COBL: variants seen among roughly 807,000 people sequenced by gnomAD.
The protein encoded by COBL is protein cordon-bleu.
A neutral mutation model predicts 98.8 loss-of-function variants in COBL; 51 were observed. The ratio of observed to expected loss-of-function variants is 0.52; its 90% confidence interval spans 0.41 to 0.65. COBL has a LOEUF of 0.65. COBL is among the 30% of genes least tolerant of loss of function. The pLI is 0.00. For synonymous variants in COBL, 634 were observed against 651.7 expected (o/e 0.97, Z 0.41); for missense variants, 1,617 against 1,617.5 (o/e 1.00, Z 0.01).
At chr7:51,262,464 A>G (rs927733582) in intron 1 of COBL, among the ~76,000 whole-genome samples, 9 of 152,218 alleles carry the variant, frequency 5.9e-5, no homozygotes, top group African/African-American at 1.9e-4. Context: ...CGAGGTGGCC[A>G]TGGGAAAGGA....
intron 2 of COBL, among the ~76,000 whole-genome samples, chr7:51,200,407 T>C (rs1465802370): frequency 6.6e-6 from 1 of 152,180 alleles, no homozygotes; most frequent in Admixed American, 6.5e-5. Context: ...AGGCAAGTTG[T>C]CAGAATAAAT....
chr7:51,219,933 T>C lies in COBL; in HGVS notation c.53A>G (p.Lys18Arg). The change falls in exon 2 of 13, where the codon AAG (lysine) becomes AGG (arginine). Residue 18 changes from lysine to arginine, a missense_variant. This residue lies in a region of COBL where 238 missense variants were observed against 215.0 expected (regional missense o/e 1.11). Transcript: ENST00000265136. ...TCCAGGAGGTGGGGGAGCACGAGCC[T>C]TCATCTTCCTCCTTAAAAACAACAA... is the stretch of plus-strand genomic sequence containing the variant. ...AAKPPTGRKM[K>R]ARAPPPPGKA... 6.2e-7 allele frequency: 1 copy of C among 1,610,328 alleles called. No individual in the cohort carries two copies. Among genetic ancestry groups the C allele is most frequent in the Non-Finnish European group, 8.5e-7 (1 of 1,179,314 alleles).
Position 51,267,476 on chromosome 7 carries a change from A to AC in COBL, c.42-47533_42-47532insG, listed in dbSNP as rs1302588885. On this transcript the variant is annotated intron_variant, in intron 1 of 12. Transcript: ENST00000265136. Reference sequence around the variant, plus strand: ...CATTTTCATACATTCATTTATTTGTATTTTTATATATATATATATTACTAG... The same window carrying AC: ...CATTTTCATACATTCATTTATTTGTACTTTTTATATATATATATATTACTAG... Among the ~76,000 whole-genome samples the AC allele has an allele frequency of 9.3e-5, 14 of 151,214 alleles. No individual in the cohort carries two copies. The South Asian group carries it at 2.9e-3, about 32-fold the overall frequency.
intron 2 of COBL, among the ~76,000 whole-genome samples, chr7:51,201,620 C>T (rs904808523): frequency 6.6e-6 from 1 of 152,010 alleles, no homozygotes; most frequent in African/African-American, 2.4e-5. Flanking sequence ...CCACATTGAC[C>T]TAATATATAT....
chr7:51,103,588 G>GT (rs932363218), intron 6 of COBL, among the ~76,000 whole-genome samples: 69 of 151,868 alleles, frequency 4.5e-4, no homozygotes, highest in Middle Eastern at 3.4e-3. Context: ...TTATGATTTA[G>GT]TTTTTTTTAC....
rs543885321 is a variant in COBL, at chr7:51,213,457, T to C, written c.245+6284A>G. 2.6e-5 allele frequency among the ~76,000 whole-genome samples: 4 copies of C among 152,228 alleles called. No individual in the cohort carries two copies. In the South Asian group the frequency reaches 8.3e-4, roughly 32 times the overall value. Reference sequence around the variant, plus strand: ...CATCCCGAAGCCATCCCCAGCCTGGTCTGTGGAAAAACTGTCTTCCACAAA... The same window carrying C: ...CATCCCGAAGCCATCCCCAGCCTGGCCTGTGGAAAAACTGTCTTCCACAAA... On this transcript the variant is annotated intron_variant, in intron 2 of 12. Coordinates refer to ENST00000265136, the MANE Select transcript of COBL (RefSeq NM_015198.5).
chr7:51,086,642 GA>G (rs1794283795), intron 6 of COBL, among the ~76,000 whole-genome samples: 3 of 152,058 alleles, frequency 2.0e-5, no homozygotes, highest in African/African-American at 7.2e-5. Flanking sequence ...GAGAGAGAGA[GA>G]GAGAGTGTGT....
chr7:51,183,942 T>A (rs567296481), intron 5 of COBL, among the ~76,000 whole-genome samples, 160 bp downstream of exon 5: 1 of 152,254 alleles, frequency 6.6e-6, no homozygotes, highest in Non-Finnish European at 1.5e-5. Flanking sequence ...AAGCACAGCC[T>A]GTCATTCCAG....
chr7:51,022,421 T>G (rs920311241), intron 12 of COBL, among the ~76,000 whole-genome samples: 1 of 152,216 alleles, frequency 6.6e-6, no homozygotes, highest in Non-Finnish European at 1.5e-5. Flanking sequence ...ACAGCCACGG[T>G]GACCTTTCCT....
intron 5 of COBL, among the ~76,000 whole-genome samples, chr7:51,156,025 A>G (rs1786094339): frequency 6.6e-6 from 1 of 152,234 alleles, no homozygotes; most frequent in Non-Finnish European, 1.5e-5. Flanking sequence ...TAAGCTTCAT[A>G]AACACCTGTA....
intron 6 of COBL, among the ~76,000 whole-genome samples, chr7:51,122,832 A>G (rs1311676016): frequency 6.6e-6 from 1 of 152,144 alleles, no homozygotes; most frequent in Non-Finnish European, 1.5e-5. Context: ...CACAAAAATT[A>G]GCAGGGCATG....
intron 1 of COBL, among the ~76,000 whole-genome samples, chr7:51,308,407 GA>G (rs2129213738): frequency 6.6e-6 from 1 of 152,104 alleles, no homozygotes; most frequent in Non-Finnish European, 1.5e-5. Context: ...CTCTCACACA[GA>G]CAGACAGACA....
intron 1 of COBL, among the ~76,000 whole-genome samples, chr7:51,232,455 G>C (rs1459428660): frequency 6.6e-6 from 1 of 152,000 alleles, no homozygotes; most frequent in Non-Finnish European, 1.5e-5. Flanking sequence ...CCATGGAGAG[G>C]ACCCCACCAG....
intron 2 of COBL, among the ~76,000 whole-genome samples, chr7:51,218,868 T>C (rs1040512604): frequency 1.3e-5 from 2 of 152,192 alleles, no homozygotes; most frequent in Non-Finnish European, 2.9e-5. Flanking sequence ...TGCTTGAAAG[T>C]TTTTGTAATT....
chr7:51,217,726 T>G (rs1438970047), intron 2 of COBL, among the ~76,000 whole-genome samples: 2 of 152,208 alleles, frequency 1.3e-5, no homozygotes, highest in African/African-American at 4.8e-5. Flanking sequence ...ATATACCCAC[T>G]GAGAAAATTT....
intron 5 of COBL, among the ~76,000 whole-genome samples, chr7:51,151,591 C>A (rs1785565113): frequency 6.6e-6 from 1 of 152,188 alleles, no homozygotes; most frequent in South Asian, 2.1e-4. Flanking sequence ...CCTTCATGAC[C>A]TGGTAGCTTC....
At chr7:51,213,907 G>T (rs894497365) in intron 2 of COBL, among the ~76,000 whole-genome samples, 3 of 152,100 alleles carry the variant, frequency 2.0e-5, no homozygotes, top group African/African-American at 7.2e-5. Flanking sequence ...AGTGGGGGCG[G>T]GGGTTGCTGC....
At chr7:51,082,246 T>G (rs1267581834) in intron 7 of COBL, among the ~76,000 whole-genome samples, 3 of 152,092 alleles carry the variant, frequency 2.0e-5, no homozygotes, top group Non-Finnish European at 4.4e-5. Flanking sequence ...GCATGCACAG[T>G]GATATTGCGC....
chr7:51,123,557 C>G (rs1797932238), intron 6 of COBL, among the ~76,000 whole-genome samples: 1 of 152,134 alleles, frequency 6.6e-6, no homozygotes, highest in Non-Finnish European at 1.5e-5. Context: ...TGAGAAAGAG[C>G]ACCATGAACA....
Sources: gnomAD v4.1 joint callset for allele counts (sites outside exome capture counted in the v4.1 genomes callset) on GRCh38, gnomAD v4.1.1 for gene constraint, gnomAD v4.1.1 regional missense constraint, MANE v1.5 for transcripts, NCBI Gene and HGNC (gene_info 2026-07-23, HGNC 2026-07-21) for gene names.